PYM1: variants seen among roughly 807,000 people sequenced by gnomAD.
PYM1 encodes the protein PYM1 exon junction complex associated factor.
Under a neutral mutation model 20.7 loss-of-function variants are expected in PYM1, and 7 were observed. That is an observed-to-expected ratio of 0.34 (90% CI 0.19 to 0.64). PYM1 has a LOEUF of 0.64. Ranked by LOEUF, PYM1 falls within the 30% of genes least tolerant of loss-of-function variation. The pLI is 0.74. For synonymous variants in PYM1, 100 were observed against 99.2 expected (o/e 1.01, Z -0.05); for missense variants, 194 against 250.0 (o/e 0.78, Z 1.51).
intron 1 of PYM1, among the ~76,000 whole-genome samples, chr12:55,920,500 TG>T (rs1883079314): frequency 4.0e-5 from 6 of 149,176 alleles, no homozygotes; most frequent in African/African-American, 1.5e-4. Flanking sequence ...TACCTGGGAG[TG>T]GGGGTGCATG....
chr12:55,910,973 G>A (rs1882912723), intron 1 of PYM1, among the ~76,000 whole-genome samples: 2 of 152,164 alleles, frequency 1.3e-5, no homozygotes, highest in South Asian at 2.1e-4. Flanking sequence ...GTCTTATGGT[G>A]GCTACCCTTA....
intron 1 of PYM1, among the ~76,000 whole-genome samples, chr12:55,923,574 A>C (rs532985478): frequency 5.3e-5 from 8 of 152,008 alleles, no homozygotes; most frequent in East Asian, 3.9e-4. Context: ...GAAAAAAAAA[A>C]AAAACAAAAC....
intron 1 of PYM1, among the ~76,000 whole-genome samples, chr12:55,905,889 T>TATC (rs1491324542): frequency 8.4e-5 from 6 of 71,382 alleles, no homozygotes; most frequent in African/African-American, 2.8e-4. Flanking sequence ...GATATATATA[T>TATC]TATTATATAT....
At chr12:55,902,503 A>G in intron 2 of PYM1, 148 bp from the exon 3 acceptor site, 1 of 1,153,030 alleles carries the variant, frequency 8.7e-7, no homozygotes, top group Non-Finnish European at 1.2e-6. Flanking sequence ...TTTGAGATAG[A>G]GTCTCGCTCA....
chr12:55,927,552 T>G, intron 1 of PYM1, 173 bp downstream of exon 1: 1 of 833,896 alleles, frequency 1.2e-6, no homozygotes, highest in Non-Finnish European at 1.9e-6. Flanking sequence ...GCAGACAAAC[T>G]CCAGGAACGC....
chr12:55,909,341 T>C (rs950072974), intron 1 of PYM1, among the ~76,000 whole-genome samples: 3 of 152,110 alleles, frequency 2.0e-5, no homozygotes, highest in Non-Finnish European at 4.4e-5. Context: ...GTAGATAGCA[T>C]TTTCAGGCAA....
At chr12:55,924,099 A>G (rs1260827910) in intron 1 of PYM1, among the ~76,000 whole-genome samples, 1 of 151,630 alleles carries the variant, frequency 6.6e-6, no homozygotes, top group Non-Finnish European at 1.5e-5. Context: ...AAAAGAAACG[A>G]TACAAAAGTT....
Position 55,903,498 on chromosome 12 carries a change from A to G in PYM1, c.38-18T>C. ...ATACTTGCCTAAAATAAGAAAAATCAAGTTGAAAATTACTCTTATTTTCAA... is the reference window on the plus strand; with the variant it reads ...ATACTTGCCTAAAATAAGAAAAATCGAGTTGAAAATTACTCTTATTTTCAA... On this transcript the variant is annotated intron_variant, in intron 1 of 2. Coordinates refer to ENST00000408946, the MANE Select transcript of PYM1 (RefSeq NM_032345.3). 1 of 1,611,854 alleles carries G rather than the reference A, an allele frequency of 6.2e-7. No individual in the cohort carries two copies. The highest frequency in any genetic ancestry group is 8.5e-7 in the Non-Finnish European group (1 of 1,178,478).
At chr12:55,920,414 G>A (rs1375844135) in intron 1 of PYM1, among the ~76,000 whole-genome samples, 3 of 152,060 alleles carry the variant, frequency 2.0e-5, no homozygotes, top group South Asian at 2.1e-4. Flanking sequence ...CAAGGTGGGC[G>A]ATCCTTTGAG....
chr12:55,902,435 A>G, intron 2 of PYM1, 80 bp from the exon 3 acceptor site: 5 of 1,500,710 alleles, frequency 3.3e-6, no homozygotes, highest in Non-Finnish European at 8.9e-7. Context: ...CAAACACTTC[A>G]TCCTCATTAC....
intron 1 of PYM1, among the ~76,000 whole-genome samples, chr12:55,920,364 C>T (rs1402773202): frequency 6.6e-6 from 1 of 151,556 alleles, no homozygotes; most frequent in Non-Finnish European, 1.5e-5. Flanking sequence ...TCAGGCCGAG[C>T]ACGGTGGCTC....
intron 1 of PYM1, 43 bp downstream of exon 1, chr12:55,927,682 G>T: frequency 6.5e-7 from 1 of 1,537,332 alleles, no homozygotes. Flanking sequence ...CCAGAGACCC[G>T]CGGGAGGGGC....
chr12:55,907,490 C>T (rs1004956800), intron 1 of PYM1, among the ~76,000 whole-genome samples: 3 of 149,360 alleles, frequency 2.0e-5, no homozygotes, highest in African/African-American at 5.0e-5. Context: ...AAAAATTAGC[C>T]GGGCACGGCG....
chr12:55,905,301 G>T (rs897952144), intron 1 of PYM1, among the ~76,000 whole-genome samples: 3 of 151,612 alleles, frequency 2.0e-5, no homozygotes, highest in African/African-American at 7.3e-5. Flanking sequence ...GAGCCACCGT[G>T]CCTGGCCTAT....
chr12:55,919,888 G>A (rs1306945129), intron 1 of PYM1, among the ~76,000 whole-genome samples: 4 of 93,246 alleles, frequency 4.3e-5, no homozygotes, highest in African/African-American at 3.6e-5. Context: ...GCAAGACTCC[G>A]TCTCAAAAAA....
rs535651055 is a variant in PYM1 at position 55,912,925 on chromosome 12, T to C, written c.38-9445A>G. Among the ~76,000 whole-genome samples, 7 of 151,458 alleles carry C rather than the reference T, an allele frequency of 4.6e-5. No individual in the cohort carries two copies. The East Asian group carries it at 5.8e-4, about 13-fold the overall frequency. ...GTTGCAGTGAGCCAAGATCACGCCA[T>C]TGCACTCCAGCCTGGGCAACAAGAG... On this transcript the variant is annotated intron_variant, in intron 1 of 2. Coordinates refer to ENST00000408946, the MANE Select transcript of PYM1 (RefSeq NM_032345.3).
Position 55,923,874 on chromosome 12 carries a change from G to C in PYM1, c.37+3851C>G, listed in dbSNP as rs1883142382. Among the ~76,000 whole-genome samples, 2 of 151,984 alleles carry C rather than the reference G, an allele frequency of 1.3e-5. 1 individual carries two copies. The highest frequency in any genetic ancestry group is 4.1e-4 in the South Asian group (2 of 4,824). ...TGGCAGATCACGAGGTCAGGAGTTC[G>C]AGGCCAACCTGACCAATATGATGAA... On this transcript the variant is annotated intron_variant, in intron 1 of 2. Coordinates refer to ENST00000408946, the MANE Select transcript of PYM1 (RefSeq NM_032345.3).
chr12:55,913,926 T>TA (rs147722555), intron 1 of PYM1: 3,235 of 174,296 alleles, frequency 0.019, 114 homozygotes, highest in African/African-American at 0.071. Context: ...CTTGCCTTCT[T>TA]AGAGTATACA....
At chr12:55,903,857 G>A (rs546957556) in intron 1 of PYM1, among the ~76,000 whole-genome samples, 69 of 152,174 alleles carry the variant, frequency 4.5e-4, no homozygotes, top group Admixed American at 2.9e-3. Flanking sequence ...TTGTAAAGGA[G>A]AAATTTTATT....
Sources: allele counts gnomAD v4.1 joint callset (sites outside exome capture counted in the v4.1 genomes callset), GRCh38; gene constraint gnomAD v4.1.1; transcripts MANE v1.5; gene names NCBI Gene and HGNC (gene_info 2026-07-23, HGNC 2026-07-21).